The following CXCL12 variants were observed in gnomAD, a reference collection of about 807,000 sequenced individuals.
CXCL12 encodes stromal cell-derived factor 1.
A neutral mutation model predicts 10.7 loss-of-function variants in CXCL12; 4 were observed. The ratio of observed to expected loss-of-function variants is 0.37; its 90% CI spans 0.18 to 0.86. The LOEUF (loss-of-function observed/expected upper bound fraction) is 0.86. CXCL12 is among the 40% of genes least tolerant of loss of function. CXCL12 has a pLI of 0.43. For missense variants in CXCL12, 122 were observed against 110.4 expected, an observed-to-expected ratio of 1.10 and a Z score of -0.47; for synonymous variants, 54 against 45.4, an observed-to-expected ratio of 1.19 and a Z score of -0.77.
rs891523746 is a variant in CXCL12 at position 44,378,375 on chromosome 10, C to T, written c.*258G>A. ...ATACAATTTCTTTCTTAGAAAAACC[C>T]CAGTAATAAAAGTTCCAACGTGCAC... On this transcript the variant is annotated 3_prime_UTR_variant, in exon 3 of 3. Coordinates refer to ENST00000343575, the MANE Select transcript of CXCL12 (RefSeq NM_199168.4). 1.3e-6 allele frequency: 2 copies of T among 1,531,282 alleles called. No individual in the cohort carries two copies. The highest frequency in any genetic ancestry group is 1.8e-6 in the Non-Finnish European group (2 of 1,137,840). 94.9% of individuals were successfully genotyped at this position (1,531,282 alleles called of 1,614,324 possible).
Position 44,383,616 on chromosome 10 carries a change from G to GA in CXCL12, c.61+1328_61+1329insT, listed in dbSNP as rs1301289448. Among the ~76,000 whole-genome samples, 10 of 136,570 alleles carry GA rather than the reference G, an allele frequency of 7.3e-5. 1 individual carries two copies. Among genetic ancestry groups the GA allele is most frequent in the African/African-American group, 1.7e-4 (6 of 36,014 alleles). The allele number at this position is 136,570 out of a possible 152,430, so 89.6% of individuals were successfully genotyped here. On this transcript the variant is annotated intron_variant, in intron 1 of 2. Coordinates refer to ENST00000343575, the MANE Select transcript of CXCL12 (RefSeq NM_199168.4). ...AACATGCCCCATGACTTGCGGGGGG[G>GA]GGGGGGGGTCAGTGTGCAGACACAG...
chr10:44,382,017 G>T (rs1329815612), intron 1 of CXCL12, among the ~76,000 whole-genome samples: 1 of 152,076 alleles, frequency 6.6e-6, no homozygotes, highest in Non-Finnish European at 1.5e-5. Context: ...TTTTTCTACA[G>T]ACTGCAATCA....
chr10:44,383,029 GC>G lies in CXCL12; in HGVS notation c.61+1915del, dbSNP rs202232745. Among the ~76,000 whole-genome samples the G allele has an allele frequency of 8.8e-3, 1,340 of 152,306 alleles. 23 individuals carry two copies. Among genetic ancestry groups the G allele is most frequent in the African/African-American group, 0.029 (1,210 of 41,584 alleles). On this transcript the variant is annotated intron_variant, in intron 1 of 2. Transcript: ENST00000343575. The stretch of plus-strand genomic sequence containing the variant: ...CCTCCAGTCTAATGCAGAGACAGGA[GC>G]CCAGCTGGCCCCTCCAAGCAGGCTT...
chr10:44,378,695 C>G lies in CXCL12; in HGVS notation c.208G>C (p.Val70Leu). The G allele has an allele frequency of 6.2e-7, 1 of 1,614,234 alleles. No individual in the cohort carries two copies. The highest frequency in any genetic ancestry group is 8.5e-7 in the Non-Finnish European group (1 of 1,180,052). ...VARLKNNNRQ[V>L]CIDPKLKWIQ... is the part of the protein sequence containing the mutation. Reference sequence around the variant, plus strand: ...CACTTTAGCTTCGGGTCAATGCACACTTGTCTGTTGTTGTTCTTCAGCCGG... The same window carrying G: ...CACTTTAGCTTCGGGTCAATGCACAGTTGTCTGTTGTTGTTCTTCAGCCGG... The change falls in exon 3 of 3, where the codon GTG becomes CTG. Residue 70 changes from valine to leucine, a missense_variant. Physicochemically the swap from Val to Leu is conservative, Grantham distance 32 (BLOSUM62 1). Coordinates refer to ENST00000343575, the MANE Select transcript of CXCL12 (RefSeq NM_199168.4).
At position 44,380,812 on chromosome 10, in the gene CXCL12, C is replaced by G; in HGVS notation, c.130G>C (p.Val44Leu). The G allele has an allele frequency of 1.9e-6, 3 of 1,614,224 alleles. No individual in the cohort carries two copies. The highest frequency in any genetic ancestry group is 2.5e-6 in the Non-Finnish European group (3 of 1,180,044). Residue 44 changes from valine (V) to leucine (L), a missense_variant, in exon 2 of 3, where the codon GTC becomes CTC. Transcript: ENST00000343575. Reference sequence around the variant, plus strand: ...GTGTTGAGAATTTTGAGATGCTTGACGTTGGCTCTGGCAACATGGCTTTCG... The same window carrying G: ...GTGTTGAGAATTTTGAGATGCTTGAGGTTGGCTCTGGCAACATGGCTTTCG... The part of the protein sequence containing the change: ...FFESHVARAN[V>L]KHLKILNTPN...
Position 44,378,448 on chromosome 10 carries a change from T to C in CXCL12, c.*185A>G. The C allele has an allele frequency of 1.9e-6, 3 of 1,541,888 alleles. No individual in the cohort carries two copies. In the East Asian group the frequency reaches 7.1e-5, roughly 36 times the overall value. ...TAAGCTGCAATATCATACCGTATGCTATAAATGCAGGGTCTAAATGCTGGC... is the reference window on the plus strand; with the variant it reads ...TAAGCTGCAATATCATACCGTATGCCATAAATGCAGGGTCTAAATGCTGGC... On this transcript the variant is annotated 3_prime_UTR_variant, in exon 3 of 3. Transcript: ENST00000343575.
downstream of CXCL12, chr10:44,373,374 A>G (rs1194815334): frequency 1.3e-6 from 2 of 1,587,828 alleles, no homozygotes; most frequent in Admixed American, 3.4e-5. Context: ...AAACACCATT[A>G]AGGCAGGTTC....
downstream of CXCL12, chr10:44,373,052 C>T (rs1367449692): frequency 6.5e-6 from 10 of 1,536,116 alleles, no homozygotes; most frequent in African/African-American, 2.7e-5. Context: ...GGAGTGGCTC[C>T]GTGGAAAGAC....
chr10:44,377,306 A>T lies in CXCL12; in HGVS notation c.*1327T>A, dbSNP rs1260226184. ...TAGTTTGAGATAATAGAGAAGTATA[A>T]ACTACTGACATTCATATGGCTCCAC... is the stretch of plus-strand genomic sequence containing the variant. On this transcript the variant is annotated 3_prime_UTR_variant, in exon 3 of 3. Transcript: ENST00000343575. The T allele has an allele frequency of 9.8e-7, 1 of 1,019,824 alleles. No individual in the cohort carries two copies. The highest frequency in any genetic ancestry group is 1.7e-5 in the African/African-American group (1 of 57,336). 63.2% of individuals were successfully genotyped at this position (1,019,824 alleles called of 1,614,324 possible). A position where few individuals can be genotyped will look rare whatever the true frequency, so the allele number is the denominator to read the frequency against.
chr10:44,377,570 G>GT lies in CXCL12; in HGVS notation c.*1062dup. 6.8e-7 allele frequency: 1 copy of GT among 1,473,196 alleles called. No homozygotes were observed. Among genetic ancestry groups the GT allele is most frequent in the Non-Finnish European group, 9.0e-7 (1 of 1,117,272 alleles). 91.3% of individuals were successfully genotyped at this position (1,473,196 alleles called of 1,614,324 possible). A position where few individuals can be genotyped will look rare whatever the true frequency, so the allele number is the denominator to read the frequency against. ...AGGAGGGGGTAGTGGCAAGATGATG[G>GT]TTTATTCACTGATTTTTTCGCTTCT... On this transcript the variant is annotated 3_prime_UTR_variant, in exon 3 of 3. Coordinates refer to ENST00000343575, the MANE Select transcript of CXCL12 (RefSeq NM_199168.4).
exon 4 of CXCL12, chr10:44,370,413 G>A (rs1839287716): frequency 6.6e-6 from 1 of 152,600 alleles, no homozygotes. Flanking sequence ...CAGAGACTGA[G>A]AGTCCAGCGA....
downstream of CXCL12, chr10:44,370,971 A>G (rs1028732912): frequency 1.8e-5 from 3 of 163,066 alleles, no homozygotes; most frequent in African/African-American, 7.2e-5. Flanking sequence ...AAGAGGTTAC[A>G]GGGAGCCCAA....
At position 44,377,201 on chromosome 10, in the gene CXCL12, G is replaced by A. The variant is rs1354849034; in HGVS notation, c.*1432C>T. ...CACATTTGATACAATTTTAGTACAAGTGAAAAAATACACTGTGGCTAACAT... is the reference window on the plus strand; with the variant it reads ...CACATTTGATACAATTTTAGTACAAATGAAAAAATACACTGTGGCTAACAT... On this transcript the variant is annotated 3_prime_UTR_variant, in exon 3 of 3. Coordinates refer to ENST00000343575, the MANE Select transcript of CXCL12 (RefSeq NM_199168.4). The A allele has an allele frequency of 1.0e-6, 1 of 986,814 alleles. No individual in the cohort carries two copies. Among genetic ancestry groups the A allele is most frequent in the African/African-American group, 1.7e-5 (1 of 57,232 alleles). 61.1% of individuals were successfully genotyped at this position (986,814 alleles called of 1,614,324 possible).
chr10:44,377,453 T>TACCA lies in CXCL12; in HGVS notation c.*1176_*1179dup. 8.5e-7 allele frequency: 1 copy of TACCA among 1,177,654 alleles called. No individual in the cohort carries two copies. Among genetic ancestry groups the TACCA allele is most frequent in the Non-Finnish European group, 1.0e-6 (1 of 953,358 alleles). The allele number at this position is 1,177,654 out of a possible 1,614,324, so 73.0% of individuals were successfully genotyped here. Reference sequence around the variant, plus strand: ...AAAATGCCTTGCAAAAAGTTACAAATACCACCAGGACCTTCTGTGGATCGC... The same window carrying TACCA: ...AAAATGCCTTGCAAAAAGTTACAAATACCAACCACCAGGACCTTCTGTGGATCGC... On this transcript the variant is annotated 3_prime_UTR_variant, in exon 3 of 3. Coordinates refer to ENST00000343575, the MANE Select transcript of CXCL12 (RefSeq NM_199168.4).
chr10:44,378,400 C>T lies in CXCL12; in HGVS notation c.*233G>A. ...CCAGTAATAAAAGTTCCAACGTGCA[C>T]AGGTACAGGGCATGGATGAATATAA... On this transcript the variant is annotated 3_prime_UTR_variant, in exon 3 of 3. Transcript: ENST00000343575. 2 of 1,550,700 alleles carry T rather than the reference C, an allele frequency of 1.3e-6. No homozygotes were observed. The highest frequency in any genetic ancestry group is 1.7e-6 in the Non-Finnish European group (2 of 1,150,370).
rs17886196 is a variant in CXCL12 at position 44,382,616 on chromosome 10, C to G, written c.62-1736G>C. Reference sequence around the variant, plus strand: ...AGAGGAGAGAAGCTCCTCTGGCCCCCCAACCAAGCAGTGGTGATGAGGCCA... The same window carrying G: ...AGAGGAGAGAAGCTCCTCTGGCCCCGCAACCAAGCAGTGGTGATGAGGCCA... On this transcript the variant is annotated intron_variant, in intron 1 of 2. Transcript: ENST00000343575. Among the ~76,000 whole-genome samples the G allele has an allele frequency of 3.9e-3, 591 of 152,198 alleles. 1 individual carries two copies. The highest frequency in any genetic ancestry group is 7.0e-3 in the Non-Finnish European group (476 of 67,986).
At chr10:44,382,408 G>C (rs1839659838) in intron 1 of CXCL12, among the ~76,000 whole-genome samples, 1 of 152,220 alleles carries the variant, frequency 6.6e-6, no homozygotes, top group East Asian at 1.9e-4. Context: ...GGTTTCCCTG[G>C]ATTTCTTTTG....
At chr10:44,380,703 G>A (rs981476156) in intron 2 of CXCL12, 60 bp downstream of exon 2, 81 of 1,396,736 alleles carry the variant, frequency 5.8e-5, no homozygotes, top group Non-Finnish European at 7.7e-5. Flanking sequence ...CGGGTTAGAT[G>A]TTACTATGTT....
At chr10:44,383,814 C>G (rs1197689741) in intron 1 of CXCL12, among the ~76,000 whole-genome samples, 1 of 152,188 alleles carries the variant, frequency 6.6e-6, no homozygotes, top group Non-Finnish European at 1.5e-5. Flanking sequence ...GCCGGGGCCA[C>G]GTCTGCACCA....
Sources: gnomAD v4.1 joint callset for allele counts (sites outside exome capture counted in the v4.1 genomes callset) on GRCh38, gnomAD v4.1.1 for gene constraint, MANE v1.5 for transcripts, NCBI Gene and HGNC (gene_info 2026-07-23, HGNC 2026-07-21) for gene names.